The following KRABD2 variants were observed in gnomAD, a reference collection of about 807,000 sequenced individuals.
KRABD2 encodes the protein KRAB domain containing 2, also known as KRAB domain-containing protein 2.
At chr17:8,368,827 G>A in the KRABD2 span, 50 of 285,056 alleles carry the variant, frequency 1.8e-4, no homozygotes, top group Non-Finnish European at 3.2e-4. Flanking sequence ...AGTAGAGACA[G>A]GGTTTCATCA....
the KRABD2 span, chr17:8,369,564 C>T: frequency 9.9e-6 from 16 of 1,614,086 alleles, no homozygotes; most frequent in South Asian, 1.6e-4. Context: ...GTGGTACTTA[C>T]CAGATACAAT....
chr17:8,368,882 C>A, the KRABD2 span: 1 of 481,082 alleles, frequency 2.1e-6, no homozygotes, highest in Non-Finnish European at 3.6e-6. Context: ...AGTGACCCGC[C>A]CACCTTGGCC....
chr17:8,371,254 G>A, the KRABD2 span: 2 of 1,383,124 alleles, frequency 1.4e-6, no homozygotes, highest in East Asian at 4.6e-5. Context: ...TTAAATGACG[G>A]TTTCCCCTTG....
chr17:8,360,535 T>TA, the KRABD2 span, among the ~76,000 whole-genome samples: 2 of 151,976 alleles, frequency 1.3e-5, no homozygotes, highest in Non-Finnish European at 2.9e-5. Flanking sequence ...AACCAGGAAC[T>TA]AAAAAAGAAA....
chr17:8,361,288 A>C, the KRABD2 span, among the ~76,000 whole-genome samples: 1 of 152,234 alleles, frequency 6.6e-6, no homozygotes, highest in East Asian at 1.9e-4. Context: ...AGAAGAGGAC[A>C]GTCTTCATAC....
the KRABD2 span, chr17:8,368,977 A>G: frequency 7.9e-7 from 1 of 1,257,950 alleles, no homozygotes; most frequent in Non-Finnish European, 1.1e-6. Flanking sequence ...GAATAAATAC[A>G]CAGACCTGAA....
the KRABD2 span, among the ~76,000 whole-genome samples, chr17:8,361,197 C>T: frequency 2.0e-5 from 3 of 152,234 alleles, no homozygotes; most frequent in Non-Finnish European, 1.5e-5. Flanking sequence ...CTCCTATCTT[C>T]TCTCCATCTC....
the KRABD2 span, among the ~76,000 whole-genome samples, chr17:8,370,556 A>T: frequency 1.3e-5 from 2 of 152,248 alleles, no homozygotes; most frequent in African/African-American, 4.8e-5. Flanking sequence ...AACTAGCACC[A>T]TCCAAAACCA....
At chr17:8,374,937 C>CAAAAAAA in the KRABD2 span, among the ~76,000 whole-genome samples, 451 of 46,192 alleles carry the variant, frequency 9.8e-3, 52 homozygotes, top group Non-Finnish European at 0.013. Context: ...GACTCTGTCA[C>CAAAAAAA]AAAAAAAAAA....
At chr17:8,376,514 CCT>C in the KRABD2 span, 4 of 993,410 alleles carry the variant, frequency 4.0e-6, no homozygotes, top group Non-Finnish European at 4.8e-6. Context: ...GCCTTCCTAC[CCT>C]GACTTCGCAG....
the KRABD2 span, among the ~76,000 whole-genome samples, chr17:8,374,937 C>CAAAAAAAAAA: frequency 0.018 from 828 of 46,180 alleles, 108 homozygotes; most frequent in Middle Eastern, 0.036. Context: ...GACTCTGTCA[C>CAAAAAAAAAA]AAAAAAAAAA....
At chr17:8,362,724 G>T in the KRABD2 span, among the ~76,000 whole-genome samples, 4 of 152,212 alleles carry the variant, frequency 2.6e-5, no homozygotes, top group African/African-American at 4.8e-5. This position sits in a 1 kb window ranked among gnomAD's most constrained non-coding sequence, Gnocchi z 4.2. Context: ...TGGTTGGCAG[G>T]TTGGTTCTGT....
At chr17:8,374,818 C>T in the KRABD2 span, among the ~76,000 whole-genome samples, 1 of 147,464 alleles carries the variant, frequency 6.8e-6, no homozygotes, top group Non-Finnish European at 1.5e-5. Flanking sequence ...TGGTGGCGAG[C>T]GCCTGTAGTC....
At chr17:8,374,579 G>A in the KRABD2 span, among the ~76,000 whole-genome samples, 81 of 144,162 alleles carry the variant, frequency 5.6e-4, no homozygotes, top group African/African-American at 1.8e-3. Flanking sequence ...TCCTATGACC[G>A]TGCCAAATCC....
the KRABD2 span, among the ~76,000 whole-genome samples, chr17:8,372,913 G>GA: frequency 1.3e-5 from 2 of 151,510 alleles, no homozygotes; most frequent in African/African-American, 4.8e-5. This position sits in a 1 kb window ranked among gnomAD's most constrained non-coding sequence, Gnocchi z 4.1. Context: ...ATAAAAAAAA[G>GA]AAAAAAAAGA....
chr17:8,364,024 AC>A, the KRABD2 span, among the ~76,000 whole-genome samples: 7 of 151,414 alleles, frequency 4.6e-5, no homozygotes, highest in African/African-American at 1.7e-4. This position sits in a 1 kb window ranked among gnomAD's most constrained non-coding sequence, Gnocchi z 4.4. Flanking sequence ...GCCTGCCACC[AC>A]ACCCAGCTAA....
At chr17:8,373,666 G>A in the KRABD2 span, 3 of 155,834 alleles carry the variant, frequency 1.9e-5, no homozygotes, top group Non-Finnish European at 2.7e-5. Flanking sequence ...CCCTGTGCCC[G>A]GCCGCCCAGT....
At chr17:8,370,842 G>A in the KRABD2 span, among the ~76,000 whole-genome samples, 4 of 152,036 alleles carry the variant, frequency 2.6e-5, no homozygotes, top group African/African-American at 9.7e-5. Flanking sequence ...ATTTGTACCA[G>A]GGATTGCTTC....
the KRABD2 span, chr17:8,371,972 A>AT: frequency 1.0e-6 from 1 of 987,810 alleles, no homozygotes; most frequent in African/African-American, 1.7e-5. Flanking sequence ...CAGGATGGTG[A>AT]TGAGGCCAGG....
Sources: gnomAD v4.1 joint callset for allele counts (sites outside exome capture counted in the v4.1 genomes callset) on GRCh38, gnomAD v4.1.1 for gene constraint, Gnocchi (gnomAD v3.1) non-coding constraint, MANE v1.5 for transcripts, NCBI Gene and HGNC (gene_info 2026-07-23, HGNC 2026-07-21) for gene names.